SMYD3: variants seen among roughly 807,000 people sequenced by gnomAD.
The protein encoded by SMYD3 is histone-lysine N-methyltransferase SMYD3.
A neutral mutation model predicts 57.7 loss-of-function variants in SMYD3; 36 were observed. The ratio of observed to expected loss-of-function variants is 0.62; its 90% CI spans 0.48 to 0.82. The LOEUF (loss-of-function observed/expected upper bound fraction) is 0.82. SMYD3 is among the 40% of genes least tolerant of loss of function. The pLI, the probability that SMYD3 is intolerant of heterozygous loss-of-function variation, is 0.00. For missense variants in SMYD3, 515 were observed against 538.8 expected, an observed-to-expected ratio of 0.96 and a Z score of 0.44; for synonymous variants, 211 against 195.0, an observed-to-expected ratio of 1.08 and a Z score of -0.68.
At chr1:245,751,812 G>C (rs1330806203) in intron 11 of SMYD3, among the ~76,000 whole-genome samples, 1 of 152,168 alleles carries the variant, frequency 6.6e-6, no homozygotes, top group African/African-American at 2.4e-5. Flanking sequence ...CTATTCATGC[G>C]AGCAAGTCTG....
chr1:245,793,145 TA>T (rs1265646761), intron 10 of SMYD3, among the ~76,000 whole-genome samples: 2 of 147,582 alleles, frequency 1.4e-5, no homozygotes, highest in Admixed American at 1.4e-4. Flanking sequence ...CCGTCTCTAC[TA>T]AAAATACAAA....
At chr1:246,147,283 T>A (rs6426282) in intron 5 of SMYD3, among the ~76,000 whole-genome samples, 1 of 151,940 alleles carries the variant, frequency 6.6e-6, no homozygotes, top group African/African-American at 2.4e-5. Context: ...TATTTATTGC[T>A]GGAGAAAGGC....
intron 5 of SMYD3, among the ~76,000 whole-genome samples, chr1:246,154,763 TTTTTTTGTTTTG>T (rs2148171795): frequency 6.6e-6 from 1 of 152,128 alleles, no homozygotes; most frequent in Non-Finnish European, 1.5e-5. Flanking sequence ...AACAATGTTT[TTTTTTTGTTTTG>T]TTTTTTGTTT....
chr1:246,307,568 C>T (rs376961990), intron 5 of SMYD3, among the ~76,000 whole-genome samples: 7 of 151,522 alleles, frequency 4.6e-5, no homozygotes, highest in South Asian at 2.1e-4. Context: ...TACAGGCGCC[C>T]GCCACCACGC....
intron 2 of SMYD3, among the ~76,000 whole-genome samples, chr1:246,344,294 C>T (rs568487067): frequency 5.0e-4 from 76 of 152,300 alleles, no homozygotes; most frequent in African/African-American, 1.7e-3. Flanking sequence ...TCCTCCATCC[C>T]AGGCAACTCA....
At chr1:246,290,832 C>G (rs1572343587) in intron 5 of SMYD3, among the ~76,000 whole-genome samples, 1 of 152,018 alleles carries the variant, frequency 6.6e-6, no homozygotes, top group African/African-American at 2.4e-5. Context: ...CTTAATTTAC[C>G]ACACTGATGT....
chr1:246,124,415 T>A (rs950260273), intron 5 of SMYD3, among the ~76,000 whole-genome samples: 1 of 152,322 alleles, frequency 6.6e-6, no homozygotes, highest in East Asian at 1.9e-4. Flanking sequence ...GAGTTTTTTT[T>A]AAGGTTTTAT....
At chr1:245,943,980 C>T (rs1224781876) in intron 5 of SMYD3, among the ~76,000 whole-genome samples, 1 of 152,120 alleles carries the variant, frequency 6.6e-6, no homozygotes, top group Non-Finnish European at 1.5e-5. Flanking sequence ...ATTGAAGGAA[C>T]ATAACTCAAA....
rs559383485 is a variant in SMYD3, at chr1:245,903,369, G to A, written c.813+12161C>T. ...ATAAAGTAAAAAGTATTCAAATACC[G>A]AAATTTCCAAAAGGAGAAGAAATTA... On this transcript the variant is annotated intron_variant, in intron 8 of 11. Coordinates refer to ENST00000490107, the MANE Select transcript of SMYD3 (RefSeq NM_001167740.2). Among the ~76,000 whole-genome samples the A allele has an allele frequency of 5.3e-5, 8 of 152,208 alleles. No homozygotes were observed. The South Asian group carries it at 6.2e-4, about 12-fold the overall frequency.
intron 5 of SMYD3, among the ~76,000 whole-genome samples, chr1:246,090,521 T>C (rs2060804477): frequency 5.1e-5 from 3 of 58,614 alleles, no homozygotes; most frequent in African/African-American, 3.4e-4. Flanking sequence ...TTTCTCTCTC[T>C]CTTTTTTTTT....
At chr1:246,149,585 A>AT (rs1288455005) in intron 5 of SMYD3, among the ~76,000 whole-genome samples, 1 of 152,126 alleles carries the variant, frequency 6.6e-6, no homozygotes, top group Non-Finnish European at 1.5e-5. Flanking sequence ...AATGAGGCAG[A>AT]TAAAAAAAAG....
Position 246,466,977 on chromosome 1 carries a change from G to T in SMYD3, c.164+40077C>A, listed in dbSNP as rs529217865. Among the ~76,000 whole-genome samples, 8 of 152,236 alleles carry T rather than the reference G, an allele frequency of 5.3e-5. No homozygotes were observed. The South Asian group carries it at 1.7e-3, about 32-fold the overall frequency. On this transcript the variant is annotated intron_variant, in intron 1 of 11. Coordinates refer to ENST00000490107, the MANE Select transcript of SMYD3 (RefSeq NM_001167740.2). ...GAGGTCAGGAGTTCAAAATCAGTCT[G>T]GCCATCATGGCAAAACCTCATCTCT... is the stretch of plus-strand genomic sequence containing the variant.
Position 246,330,553 on chromosome 1 carries a change from G to C in SMYD3, c.337-16C>G. ...CTCCATCCATCTGTGAAGGAAAAGG[G>C]GAAAACGCCAATAACAATTTCAAGT... On this transcript the variant is annotated splice_polypyrimidine_tract_variant and intron_variant, in intron 3 of 11. Coordinates refer to ENST00000490107, the MANE Select transcript of SMYD3 (RefSeq NM_001167740.2). 1 of 1,574,110 alleles carries C rather than the reference G, an allele frequency of 6.4e-7. No individual in the cohort carries two copies. Among genetic ancestry groups the C allele is most frequent in the Middle Eastern group, 1.7e-4 (1 of 5,916 alleles).
intron 10 of SMYD3, among the ~76,000 whole-genome samples, chr1:245,801,332 G>A (rs181418847): frequency 6.6e-6 from 1 of 152,326 alleles, no homozygotes; most frequent in African/African-American, 2.4e-5. Context: ...GTTGCAAACT[G>A]TTCCCACAAG....
At chr1:246,046,493 GA>G (rs2059967712) in intron 5 of SMYD3, among the ~76,000 whole-genome samples, 1 of 152,012 alleles carries the variant, frequency 6.6e-6, no homozygotes, top group Admixed American at 6.6e-5. Context: ...TGGGAGTGGG[GA>G]GGGATAGCAT....
intron 7 of SMYD3, among the ~76,000 whole-genome samples, chr1:245,920,191 T>C (rs866787439): frequency 2.2e-4 from 34 of 151,916 alleles, no homozygotes; most frequent in South Asian, 8.3e-4. Flanking sequence ...CGGGCGCCTG[T>C]AGTCCCAGCT....
chr1:245,774,639 AGTCTCCCTCTCCCTCTCTTTCCACC>A (rs910499043), intron 10 of SMYD3, among the ~76,000 whole-genome samples: 10 of 125,124 alleles, frequency 8.0e-5, no homozygotes, highest in Admixed American at 2.8e-4. Flanking sequence ...CTCTCCCCAC[AGTCTCCCTCTCCCTCTCTTTCCACC>A]GTCTCCCTCT....
At chr1:246,155,448 T>C (rs1367263736) in intron 5 of SMYD3, among the ~76,000 whole-genome samples, 1 of 152,140 alleles carries the variant, frequency 6.6e-6, no homozygotes, top group Non-Finnish European at 1.5e-5. Context: ...AAGAAAAATA[T>C]AAAATTTCAA....
In SMYD3 at chr1:246,485,867, A is replaced by G. The variant is rs375958230; in HGVS notation, c.164+21187T>C. Among the ~76,000 whole-genome samples, 8 of 152,350 alleles carry G rather than the reference A, an allele frequency of 5.3e-5. No homozygotes were observed. In the South Asian group the frequency reaches 1.7e-3, roughly 32 times the overall value. On this transcript the variant is annotated intron_variant, in intron 1 of 11. Coordinates refer to ENST00000490107, the MANE Select transcript of SMYD3 (RefSeq NM_001167740.2). ...ATTAGCTACATAATTTGAGCAAGAT[A>G]TAACTTCTCTGAACTTCACTTTTCT...
Sources: allele counts gnomAD v4.1 joint callset (sites outside exome capture counted in the v4.1 genomes callset), GRCh38; gene constraint gnomAD v4.1.1; transcripts MANE v1.5; gene names NCBI Gene and HGNC (gene_info 2026-07-23, HGNC 2026-07-21).